Variants in PLXDC2 observed in about 807,000 individuals in gnomAD.
PLXDC2 encodes plexin domain containing 2.
PLXDC2 carries 40 observed loss-of-function variants against 68.9 expected under a neutral mutation model. The ratio of observed to expected loss-of-function variants is 0.58; its 90% CI spans 0.45 to 0.76. The LOEUF is 0.76. PLXDC2 is among the 30% of genes least tolerant of loss of function. The pLI, the probability that PLXDC2 is intolerant of heterozygous loss-of-function variation, is 0.00. For missense variants in PLXDC2, 644 were observed against 661.9 expected (o/e 0.97, Z 0.30); for synonymous variants, 243 against 234.2 (o/e 1.04, Z -0.34).
chr10:20,126,200 TACAC>T (rs199898332), intron 4 of PLXDC2, among the ~76,000 whole-genome samples: 1 of 146,014 alleles, frequency 6.8e-6, no homozygotes, highest in African/African-American at 2.5e-5. Flanking sequence ...CATATATGTA[TACAC>T]ACACATATAT....
intron 1 of PLXDC2, among the ~76,000 whole-genome samples, chr10:19,869,789 A>AT (rs914274575): frequency 2.0e-4 from 31 of 151,488 alleles, no homozygotes; most frequent in African/African-American, 6.3e-4. Context: ...TATCTTTTTA[A>AT]TTTTTTTTAA....
intron 4 of PLXDC2, among the ~76,000 whole-genome samples, chr10:20,123,105 A>G: frequency 6.6e-6 from 1 of 152,198 alleles, no homozygotes; most frequent in Non-Finnish European, 1.5e-5. Context: ...GTCATGGAAC[A>G]AAACTGTAAG....
intron 1 of PLXDC2, among the ~76,000 whole-genome samples, chr10:19,860,601 A>G (rs572455332): frequency 7.2e-5 from 11 of 152,312 alleles, no homozygotes; most frequent in African/African-American, 2.6e-4. Context: ...ACTGTGAGAA[A>G]TCTAAACTTC....
At position 20,289,766 on chromosome 10, in the gene PLXDC2, T is replaced by A. The variant is rs1420150487; in HGVS notation, c.*9947T>A. On this transcript the variant is annotated 3_prime_UTR_variant, in exon 14 of 14. Transcript: ENST00000377252. ...CTGGCTCTGTACAACTCAATTATAA[T>A]TTTTTAAGAATCATACCTCTGTATA... 2 of 152,190 alleles carry A rather than the reference T, an allele frequency of 1.3e-5. No individual in the cohort carries two copies. Among genetic ancestry groups the A allele is most frequent in the African/African-American group, 4.8e-5 (2 of 41,432 alleles). 9.4% of individuals were successfully genotyped at this position (152,190 alleles called of 1,614,324 possible). A position where few individuals can be genotyped will look rare whatever the true frequency, so the allele number is the denominator to read the frequency against.
chr10:20,238,200 T>C (rs1439797592), intron 12 of PLXDC2, among the ~76,000 whole-genome samples: 1 of 149,830 alleles, frequency 6.7e-6, no homozygotes, highest in South Asian at 2.1e-4. Context: ...AGCATTTTCT[T>C]CCTTCCTTCC....
intron 1 of PLXDC2, among the ~76,000 whole-genome samples, chr10:19,987,588 A>G (rs1027923424): frequency 6.7e-5 from 10 of 150,258 alleles, no homozygotes; most frequent in Non-Finnish European, 1.5e-4. Context: ...TTGCGGCGGA[A>G]TCTCGTTCTG....
chr10:20,194,610 A>G (rs1267274513), intron 9 of PLXDC2, among the ~76,000 whole-genome samples: 2 of 151,940 alleles, frequency 1.3e-5, no homozygotes, highest in East Asian at 3.9e-4. Context: ...TTCATTAAAG[A>G]AATATCTTTT....
At chr10:19,863,792 T>G (rs1837363335) in intron 1 of PLXDC2, among the ~76,000 whole-genome samples, 1 of 146,570 alleles carries the variant, frequency 6.8e-6, no homozygotes. Context: ...CTTTTTTTCT[T>G]GGAAGTTGTA....
chr10:20,125,881 C>T (rs923384275), intron 4 of PLXDC2, among the ~76,000 whole-genome samples: 9 of 151,352 alleles, frequency 5.9e-5, no homozygotes, highest in Non-Finnish European at 1.0e-4. Context: ...GAAAGGAGAA[C>T]TCAAATGTGA....
intron 6 of PLXDC2, 63 bp downstream of exon 6, chr10:20,147,965 A>G: frequency 8.7e-7 from 1 of 1,154,640 alleles, no homozygotes; most frequent in South Asian, 1.3e-5. Context: ...CTTTCCTCCA[A>G]ATGTCAAGAA....
intron 3 of PLXDC2, among the ~76,000 whole-genome samples, chr10:20,047,395 T>G (rs1034075525): frequency 6.6e-6 from 1 of 152,238 alleles, no homozygotes; most frequent in South Asian, 2.1e-4. Context: ...TTTACATGGG[T>G]TTATTGCTGT....
At chr10:20,258,529 G>A (rs1325669045) in intron 13 of PLXDC2, among the ~76,000 whole-genome samples, 1 of 151,992 alleles carries the variant, frequency 6.6e-6, no homozygotes, top group African/African-American at 2.4e-5. Context: ...TATTTTATTA[G>A]AATCTGTGAT....
chr10:19,829,347 G>T (rs2131307945), intron 1 of PLXDC2, among the ~76,000 whole-genome samples: 1 of 152,006 alleles, frequency 6.6e-6, no homozygotes, highest in South Asian at 2.1e-4. Flanking sequence ...ATTTGCTGTA[G>T]GATGCTTGTT....
intron 4 of PLXDC2, among the ~76,000 whole-genome samples, chr10:20,103,636 C>CT (rs907644469): frequency 1.8e-4 from 21 of 118,564 alleles, no homozygotes; most frequent in African/African-American, 2.1e-4. Context: ...CACATCTTTT[C>CT]TTTTTTTTTT....
intron 3 of PLXDC2, among the ~76,000 whole-genome samples, chr10:20,056,665 TA>T (rs1248373013): frequency 6.6e-6 from 1 of 152,194 alleles, no homozygotes; most frequent in Non-Finnish European, 1.5e-5. Context: ...TAACAAACCT[TA>T]GCTTCCCAAA....
At chr10:20,265,919 G>A (rs181627217) in intron 13 of PLXDC2, among the ~76,000 whole-genome samples, 3 of 152,202 alleles carry the variant, frequency 2.0e-5, no homozygotes, top group Admixed American at 6.5e-5. Context: ...CCCCACCAAC[G>A]GGATATACGG....
chr10:20,182,793 A>G (rs753873739), intron 9 of PLXDC2, among the ~76,000 whole-genome samples: 7 of 151,712 alleles, frequency 4.6e-5, no homozygotes, highest in Non-Finnish European at 8.8e-5. Flanking sequence ...CCCACCATCT[A>G]GGGTTTAAGC....
intron 1 of PLXDC2, among the ~76,000 whole-genome samples, chr10:19,860,479 A>G (rs749011595): frequency 2.6e-5 from 4 of 152,188 alleles, no homozygotes; most frequent in Non-Finnish European, 4.4e-5. Flanking sequence ...AAGAGTATCT[A>G]AGTGTGCAAT....
At chr10:20,035,245 C>T (rs1440277749) in intron 2 of PLXDC2, among the ~76,000 whole-genome samples, 1 of 152,104 alleles carries the variant, frequency 6.6e-6, no homozygotes, top group Non-Finnish European at 1.5e-5. Flanking sequence ...AGAAAAATTC[C>T]ATTTACAGCT....
Sources: allele counts gnomAD v4.1 joint callset (sites outside exome capture counted in the v4.1 genomes callset), GRCh38; gene constraint gnomAD v4.1.1; transcripts MANE v1.5; gene names NCBI Gene and HGNC (gene_info 2026-07-23, HGNC 2026-07-21).